The following SHOC2 variants were observed in gnomAD, a reference collection of about 807,000 sequenced individuals.
SHOC2 encodes the protein leucine-rich repeat protein SHOC-2.
SHOC2 carries 4 observed loss-of-function variants against 50.2 expected under a neutral mutation model. The observed-to-expected ratio is 0.08, with a 90% CI of 0.04 to 0.18. SHOC2 has a LOEUF of 0.18. Ranked by LOEUF, SHOC2 falls within the 10% of genes least tolerant of loss-of-function variation. SHOC2 has a pLI of 1.00. For synonymous variants in SHOC2, 218 were observed against 244.5 expected, an observed-to-expected ratio of 0.89 and a Z score of 1.01; for missense variants, 388 against 669.6, an observed-to-expected ratio of 0.58 and a Z score of 4.64.
chr10:110,989,913 G>A (rs1045078665), intron 3 of SHOC2, among the ~76,000 whole-genome samples: 3 of 152,072 alleles, frequency 2.0e-5, no homozygotes, highest in Non-Finnish European at 2.9e-5. Flanking sequence ...ATGTCACACA[G>A]TGACATATTT....
At position 110,972,377 on chromosome 10, in the gene SHOC2, T is replaced by C. The variant is rs1273418771; in HGVS notation, c.703+7316T>C. On this transcript the variant is annotated intron_variant, in intron 2 of 8. Transcript: ENST00000369452. ...AATCTCATTTGAATGTTTGTACAAA[T>C]GCTAAGTAACTTACTTTAGCAGGAA... Among the ~76,000 whole-genome samples the C allele has an allele frequency of 2.0e-5, 3 of 152,166 alleles. No individual in the cohort carries two copies. In the East Asian group the frequency reaches 5.8e-4, roughly 29 times the overall value.
intron 1 of SHOC2, among the ~76,000 whole-genome samples, chr10:110,943,975 A>C (rs754196316): frequency 3.9e-5 from 6 of 152,046 alleles, no homozygotes; most frequent in Non-Finnish European, 8.8e-5. Flanking sequence ...TTTTGCCCCA[A>C]CTTTGCCCCA....
At chr10:110,941,856 A>G (rs1471189830) in intron 1 of SHOC2, among the ~76,000 whole-genome samples, 3 of 152,118 alleles carry the variant, frequency 2.0e-5, no homozygotes, top group Non-Finnish European at 4.4e-5. Flanking sequence ...ACTTTCTTGT[A>G]TGTTTTCTTC....
At chr10:110,958,827 C>T (rs1194704138) in intron 1 of SHOC2, among the ~76,000 whole-genome samples, 1 of 152,004 alleles carries the variant, frequency 6.6e-6, no homozygotes, top group Non-Finnish European at 1.5e-5. Flanking sequence ...TCTCCCTACT[C>T]CTGTTCATCC....
chr10:111,005,681 G>A (rs780616567), intron 5 of SHOC2, among the ~76,000 whole-genome samples: 3 of 152,114 alleles, frequency 2.0e-5, no homozygotes, highest in Non-Finnish European at 2.9e-5. Context: ...TACAGTGATC[G>A]AGTTTCACCT....
At chr10:111,005,889 T>C (rs936854693) in intron 5 of SHOC2, among the ~76,000 whole-genome samples, 7 of 152,234 alleles carry the variant, frequency 4.6e-5, no homozygotes, top group Non-Finnish European at 8.8e-5. Flanking sequence ...GTACAATTTT[T>C]AAATTTCATC....
At chr10:110,968,237 A>G (rs1847715238) in intron 2 of SHOC2, among the ~76,000 whole-genome samples, 1 of 152,080 alleles carries the variant, frequency 6.6e-6, no homozygotes, top group Non-Finnish European at 1.5e-5. Flanking sequence ...TTAATTCTTG[A>G]GAGCTATCTT....
intron 2 of SHOC2, among the ~76,000 whole-genome samples, chr10:110,968,520 G>C (rs1052465109): frequency 1.3e-5 from 2 of 151,138 alleles, no homozygotes; most frequent in Non-Finnish European, 3.0e-5. Context: ...ATGCATATTA[G>C]AGCTACATTA....
Position 110,964,206 on chromosome 10 carries a change from T to C in SHOC2, c.-153T>C, listed in dbSNP as rs1847626371. 1 of 1,191,520 alleles carries C rather than the reference T, an allele frequency of 8.4e-7. No homozygotes were observed. The highest frequency in any genetic ancestry group is 1.2e-6 in the Non-Finnish European group (1 of 865,404). 73.8% of individuals were successfully genotyped at this position (1,191,520 alleles called of 1,614,324 possible). On this transcript the variant is annotated 5_prime_UTR_variant, in exon 2 of 9. Coordinates refer to ENST00000369452, the MANE Select transcript of SHOC2 (RefSeq NM_007373.4). This position sits in a 1 kb window ranked among gnomAD's most constrained non-coding sequence, Gnocchi z 4.9. The stretch of plus-strand genomic sequence containing the variant: ...CAGAAATGGGCATAGTGCTTTTAGA[T>C]CCAACATGTAACAGATGGATGTTAC...
At position 110,964,698 on chromosome 10, in the gene SHOC2, A is replaced by T. The variant is rs1420137167; in HGVS notation, c.340A>T (p.Ile114Leu). The change falls in exon 2 of 9, where the codon ATA (isoleucine) becomes TTA (leucine). Residue 114 changes from isoleucine to leucine, a missense_variant. Physicochemically the swap from Ile to Leu is conservative, Grantham distance 5. Coordinates refer to ENST00000369452, the MANE Select transcript of SHOC2 (RefSeq NM_007373.4). This position sits in a 1 kb window ranked among gnomAD's most constrained non-coding sequence, Gnocchi z 4.9. Reference protein sequence around the residue: ...RLDLSKRSIHILPSSIKELTQ... With the variant: ...RLDLSKRSIHLLPSSIKELTQ... ...GGACTTATCCAAGAGATCTATACAC[A>T]TATTGCCATCATCAATCAAAGAGTT... 7.4e-6 allele frequency: 12 copies of T among 1,614,058 alleles called. No homozygotes were observed.
intron 1 of SHOC2, among the ~76,000 whole-genome samples, chr10:110,962,401 A>G (rs1847588835): frequency 6.6e-6 from 1 of 152,044 alleles, no homozygotes; most frequent in Non-Finnish European, 1.5e-5. Context: ...TATCAGCATT[A>G]TTTTCTGAAT....
chr10:110,979,909 A>C (rs1847942551), intron 2 of SHOC2, among the ~76,000 whole-genome samples: 1 of 152,046 alleles, frequency 6.6e-6, no homozygotes, highest in South Asian at 2.1e-4. Context: ...ATTCTAGTCA[A>C]GGTGTAGCCT....
At chr10:110,979,507 T>A (rs1026710098) in intron 2 of SHOC2, among the ~76,000 whole-genome samples, 1 of 152,184 alleles carries the variant, frequency 6.6e-6, no homozygotes, top group Non-Finnish European at 1.5e-5. Context: ...GTCTGCCTAT[T>A]ACAGTTCTCT....
chr10:110,949,283 C>T (rs1412657415), intron 1 of SHOC2, among the ~76,000 whole-genome samples: 1 of 151,986 alleles, frequency 6.6e-6, no homozygotes, highest in East Asian at 1.9e-4. Context: ...AACAGAAATA[C>T]AAATGAGATA....
At chr10:110,989,259 C>CTCT (rs1848137771) in intron 3 of SHOC2, among the ~76,000 whole-genome samples, 1 of 152,164 alleles carries the variant, frequency 6.6e-6, no homozygotes, top group Non-Finnish European at 1.5e-5. Context: ...CTGGAGGAGT[C>CTCT]TCTTTTTCTT....
chr10:110,965,776 G>A (rs559570902), intron 2 of SHOC2, among the ~76,000 whole-genome samples: 13 of 152,136 alleles, frequency 8.5e-5, no homozygotes, highest in African/African-American at 2.9e-4. Flanking sequence ...ATATAAACGC[G>A]TGAACATGTC....
intron 1 of SHOC2, among the ~76,000 whole-genome samples, chr10:110,932,685 C>T (rs1846917933): frequency 1.3e-5 from 2 of 152,158 alleles, no homozygotes; most frequent in Non-Finnish European, 2.9e-5. Context: ...TTCCCCTAAC[C>T]TCCAAGGCTA....
intron 3 of SHOC2, among the ~76,000 whole-genome samples, chr10:110,999,900 T>C (rs1325512104): frequency 1.3e-5 from 2 of 152,092 alleles, no homozygotes; most frequent in Non-Finnish European, 2.9e-5. Flanking sequence ...GAGAAATTTT[T>C]TACCATCAGG....
chr10:110,941,716 G>GT (rs578217086), intron 1 of SHOC2, among the ~76,000 whole-genome samples: 2 of 151,866 alleles, frequency 1.3e-5, no homozygotes, highest in South Asian at 4.1e-4. Context: ...TATATAACCT[G>GT]TTTTTTTCAT....
Sources: allele counts gnomAD v4.1 joint callset (sites outside exome capture counted in the v4.1 genomes callset), GRCh38; gene constraint gnomAD v4.1.1; non-coding constraint Gnocchi (gnomAD v3.1); transcripts MANE v1.5; gene names NCBI Gene and HGNC (gene_info 2026-07-23, HGNC 2026-07-21).